The following ARHGAP22 variants were observed in gnomAD, a reference collection of about 807,000 sequenced individuals.
ARHGAP22 encodes Rho GTPase activating protein 22, also known as rho GTPase-activating protein 22.
Under a neutral mutation model 59.1 loss-of-function variants are expected in ARHGAP22, and 48 were observed. The observed-to-expected ratio is 0.81, with a 90% CI of 0.64 to 1.03. The LOEUF is 1.03. Among genes scored for constraint, ARHGAP22 ranks in the 50% least tolerant of loss-of-function variants. The pLI, the probability that ARHGAP22 is intolerant of heterozygous loss-of-function variation, is 0.00. For missense variants in ARHGAP22, 1,015 were observed against 958.7 expected (o/e 1.06, Z -0.78); for synonymous variants, 445 against 416.4 (o/e 1.07, Z -0.84).
chr10:48,461,057 G>A (rs989045220), intron 4 of ARHGAP22, among the ~76,000 whole-genome samples: 5 of 152,098 alleles, frequency 3.3e-5, no homozygotes, highest in South Asian at 4.1e-4. Context: ...GAGATGGATA[G>A]TGCTGATGGT....
At chr10:48,623,490 C>T (rs184317657) in intron 1 of ARHGAP22, among the ~76,000 whole-genome samples, 1 of 152,328 alleles carries the variant, frequency 6.6e-6, no homozygotes, top group African/African-American at 2.4e-5. Context: ...CTAGGGCATA[C>T]TTGCAATGGT....
chr10:48,460,689 G>A (rs940000049), intron 4 of ARHGAP22, among the ~76,000 whole-genome samples: 3 of 152,112 alleles, frequency 2.0e-5, no homozygotes, highest in African/African-American at 7.2e-5. Context: ...GTTCACAGCA[G>A]CATTATTCAC....
chr10:48,637,762 C>G (rs1298576536), intron 1 of ARHGAP22, among the ~76,000 whole-genome samples: 1 of 152,142 alleles, frequency 6.6e-6, no homozygotes, highest in African/African-American at 2.4e-5. Context: ...GCAGAACCTG[C>G]TGGAAGGGTC....
In ARHGAP22 at chr10:48,454,213, T is replaced by C. The variant is rs1051754663; in HGVS notation, c.793-52A>G. 5 of 1,524,022 alleles carry C rather than the reference T, an allele frequency of 3.3e-6. No homozygotes were observed. In the African/African-American group the frequency reaches 6.9e-5, roughly 21 times the overall value. 94.4% of individuals were successfully genotyped at this position (1,524,022 alleles called of 1,614,324 possible). On this transcript the variant is annotated intron_variant, in intron 6 of 9. Coordinates refer to ENST00000249601, the MANE Select transcript of ARHGAP22 (RefSeq NM_021226.4). ...ACACCGGCAATGAGGGCCCTGACTGTTCTCTGACTGCGAGGAGGGGTGGGC... is the reference window on the plus strand; with the variant it reads ...ACACCGGCAATGAGGGCCCTGACTGCTCTCTGACTGCGAGGAGGGGTGGGC...
chr10:48,484,199 G>GT (rs1178122494), intron 3 of ARHGAP22, among the ~76,000 whole-genome samples: 1 of 152,170 alleles, frequency 6.6e-6, no homozygotes, highest in Non-Finnish European at 1.5e-5. Flanking sequence ...GCTGAGCCAC[G>GT]TTTTTATTGG....
In ARHGAP22 at chr10:48,605,014, G is replaced by C; in HGVS notation, c.-218C>G. The C allele has an allele frequency of 6.9e-7, 1 of 1,440,488 alleles. No homozygotes were observed. The highest frequency in any genetic ancestry group is 9.1e-7 in the Non-Finnish European group (1 of 1,100,730). 89.2% of individuals were successfully genotyped at this position (1,440,488 alleles called of 1,614,324 possible). ...CTCGATGCATTATTTATCCATCCCAGAATTAATTCCCATCCAAGCGGACCA... is the reference window on the plus strand; with the variant it reads ...CTCGATGCATTATTTATCCATCCCACAATTAATTCCCATCCAAGCGGACCA... On this transcript the variant is annotated 5_prime_UTR_variant, in exon 1 of 10. Transcript: ENST00000249601.
At chr10:48,577,801 GTTTTTTTTTT>G (rs34557935) in intron 2 of ARHGAP22, among the ~76,000 whole-genome samples, 2 of 59,142 alleles carry the variant, frequency 3.4e-5, no homozygotes, top group African/African-American at 6.6e-5. Flanking sequence ...CTCTTTTTTG[GTTTTTTTTTT>G]TTTTTTTTTT....
intron 2 of ARHGAP22, 163 bp downstream of exon 2, chr10:48,582,790 G>A: frequency 1.3e-6 from 1 of 746,186 alleles, no homozygotes. Flanking sequence ...TGTGATACCA[G>A]GAACATGGGG....
intron 1 of ARHGAP22, among the ~76,000 whole-genome samples, chr10:48,620,803 G>C (rs527788640): frequency 6.6e-6 from 1 of 152,266 alleles, no homozygotes; most frequent in Non-Finnish European, 1.5e-5. Context: ...CATTTAGGTT[G>C]GAGTTTCACA....
chr10:48,653,333 C>T (rs995506794), upstream of ARHGAP22, among the ~76,000 whole-genome samples: 1 of 152,208 alleles, frequency 6.6e-6, no homozygotes, highest in African/African-American at 2.4e-5. Context: ...AGGCTAGATC[C>T]TTCCTACACC....
chr10:48,474,800 C>T (rs190260898), intron 4 of ARHGAP22, among the ~76,000 whole-genome samples: 257 of 152,258 alleles, frequency 1.7e-3, no homozygotes, highest in South Asian at 5.6e-3. Context: ...TTCTTAGAGA[C>T]GATAAATCTC....
rs145680363 is a variant in ARHGAP22, at chr10:48,539,972, C to T, written c.322+15491G>A. Among the ~76,000 whole-genome samples, 20 of 152,288 alleles carry T rather than the reference C, an allele frequency of 1.3e-4. No homozygotes were observed. In the East Asian group the frequency reaches 3.1e-3, roughly 24 times the overall value. On this transcript the variant is annotated intron_variant, in intron 3 of 9. Coordinates refer to ENST00000249601, the MANE Select transcript of ARHGAP22 (RefSeq NM_021226.4). ...ATCCTACATGGAACTACTTTTGTCA[C>T]GGCCATTTTTCAAATAAGGAGCCTG...
intron 1 of ARHGAP22, among the ~76,000 whole-genome samples, chr10:48,583,583 C>T (rs978098993): frequency 6.6e-6 from 1 of 152,178 alleles, no homozygotes; most frequent in Non-Finnish European, 1.5e-5. Context: ...TGCATAGAAC[C>T]GTTCTAGTTT....
At chr10:48,611,017 T>C (rs1212249370) in intron 1 of ARHGAP22, among the ~76,000 whole-genome samples, 1 of 152,238 alleles carries the variant, frequency 6.6e-6, no homozygotes. Context: ...CTGTAAATGT[T>C]GGATTCATGG....
chr10:48,491,688 C>A (rs369473959), intron 3 of ARHGAP22, among the ~76,000 whole-genome samples: 1 of 152,254 alleles, frequency 6.6e-6, no homozygotes, highest in Non-Finnish European at 1.5e-5. Context: ...ACACGTGAAA[C>A]CCTCGCGTAA....
chr10:48,636,416 T>A (rs917587341), intron 1 of ARHGAP22, among the ~76,000 whole-genome samples: 2 of 152,176 alleles, frequency 1.3e-5, no homozygotes, highest in Non-Finnish European at 2.9e-5. Flanking sequence ...GCCCTGGTCC[T>A]CTTCCAGGAA....
chr10:48,537,334 T>C (rs1034001504), intron 3 of ARHGAP22, among the ~76,000 whole-genome samples: 5 of 152,188 alleles, frequency 3.3e-5, no homozygotes, highest in Non-Finnish European at 7.4e-5. Context: ...CCAGAGCCCC[T>C]TCCTGGAGCC....
chr10:48,594,012 T>C (rs1447938299), intron 1 of ARHGAP22, among the ~76,000 whole-genome samples: 1 of 152,200 alleles, frequency 6.6e-6, no homozygotes, highest in African/African-American at 2.4e-5. Context: ...AAGTTTTAAA[T>C]GAAAGAGCTC....
At chr10:48,592,984 G>A (rs530938336) in intron 1 of ARHGAP22, among the ~76,000 whole-genome samples, 2 of 152,340 alleles carry the variant, frequency 1.3e-5, no homozygotes, top group South Asian at 2.1e-4. Flanking sequence ...TGGCCTATGA[G>A]GGTCCTGGGG....
Sources: gnomAD v4.1 joint callset for allele counts (sites outside exome capture counted in the v4.1 genomes callset) on GRCh38, gnomAD v4.1.1 for gene constraint, MANE v1.5 for transcripts, NCBI Gene and HGNC (gene_info 2026-07-23, HGNC 2026-07-21) for gene names.